The following CCDC171 variants were observed in gnomAD, a reference collection of about 807,000 sequenced individuals.
The protein encoded by CCDC171 is coiled-coil domain containing 171.
In CCDC171, 177 loss-of-function variants were observed where a neutral mutation model predicts 168.2. The observed-to-expected ratio is 1.05, with a 90% CI of 0.93 to 1.19. CCDC171 has a LOEUF of 1.19. CCDC171 is among the 50% of genes most tolerant of loss of function. The probability of loss-of-function intolerance (pLI) is 0.00; values close to 1 mark genes in which losing one functional copy is unlikely to be tolerated. For synonymous variants in CCDC171, 687 were observed against 540.8 expected (o/e 1.27, Z -3.75); for missense variants, 1,991 against 1,539.0 (o/e 1.29, Z -4.91).
chr9:16,064,717 G>T (rs1469472663), downstream of CCDC171, among the ~76,000 whole-genome samples: 1 of 152,188 alleles, frequency 6.6e-6, no homozygotes, highest in African/African-American at 2.4e-5. Context: ...TCTTAGCAGA[G>T]TAGTTACGCC....
At chr9:15,618,154 C>T (rs957591751) in intron 6 of CCDC171, among the ~76,000 whole-genome samples, 12 of 152,188 alleles carry the variant, frequency 7.9e-5, no homozygotes, top group Admixed American at 6.5e-5. Flanking sequence ...CTCTGTCCTA[C>T]CAGGATGAGA....
At chr9:15,791,395 G>T (rs1226842799) in intron 21 of CCDC171, among the ~76,000 whole-genome samples, 1 of 151,904 alleles carries the variant, frequency 6.6e-6, no homozygotes, top group African/African-American at 2.4e-5. Flanking sequence ...TTGGCTCTGT[G>T]TTTTTCTTAT....
chr9:15,561,071 C>A (rs574037325), intron 1 of CCDC171, among the ~76,000 whole-genome samples: 1 of 152,282 alleles, frequency 6.6e-6, no homozygotes, highest in Admixed American at 6.5e-5. Flanking sequence ...GTGTCGCTCA[C>A]GCTGGGAGCT....
chr9:15,767,363 C>A (rs1338737763), intron 18 of CCDC171, among the ~76,000 whole-genome samples: 1 of 152,200 alleles, frequency 6.6e-6, no homozygotes, highest in Non-Finnish European at 1.5e-5. Context: ...CCAGCAGCAT[C>A]ACATCTGCAA....
intron 25 of CCDC171, among the ~76,000 whole-genome samples, chr9:15,923,003 T>C (rs973854838): frequency 2.6e-5 from 4 of 151,684 alleles, no homozygotes; most frequent in African/African-American, 9.7e-5. Flanking sequence ...TCTCCCATCC[T>C]GTAGGTTGTC....
At chr9:15,941,870 T>C (rs1827776655) in intron 25 of CCDC171, among the ~76,000 whole-genome samples, 1 of 151,984 alleles carries the variant, frequency 6.6e-6, no homozygotes, top group Non-Finnish European at 1.5e-5. Context: ...TAAATTGGTT[T>C]GTTTTTACTT....
chr9:15,944,804 T>C (rs1459971692), intron 25 of CCDC171, among the ~76,000 whole-genome samples: 1 of 148,026 alleles, frequency 6.8e-6, no homozygotes, highest in Admixed American at 6.9e-5. Context: ...AGGCAGAGCA[T>C]GGTAGTTGGG....
chr9:15,696,038 T>C (rs879859610), intron 11 of CCDC171, among the ~76,000 whole-genome samples: 5 of 152,260 alleles, frequency 3.3e-5, no homozygotes, highest in Admixed American at 6.5e-5. Flanking sequence ...ATAAATACTT[T>C]TCTACCTCAG....
At chr9:16,019,614 A>G (rs915912543) in intron 3 of CCDC171, among the ~76,000 whole-genome samples, 3 of 152,126 alleles carry the variant, frequency 2.0e-5, no homozygotes, top group Non-Finnish European at 4.4e-5. Flanking sequence ...TGGTTAGAGA[A>G]ATCTCACCTT....
At chr9:15,749,664 A>G (rs1172873743) in intron 18 of CCDC171, among the ~76,000 whole-genome samples, 1 of 152,228 alleles carries the variant, frequency 6.6e-6, no homozygotes, top group African/African-American at 2.4e-5. Flanking sequence ...CAGGATTAAG[A>G]AACTCACTCT....
At chr9:15,888,048 A>G (rs1197363277) in intron 24 of CCDC171, 1 of 152,270 alleles carries the variant, frequency 6.6e-6, no homozygotes. Flanking sequence ...GAGACTGTGC[A>G]GCGTGACTGG....
intron 3 of CCDC171, among the ~76,000 whole-genome samples, chr9:16,011,743 T>C (rs3008719): frequency 0.56 from 85,864 of 152,112 alleles, 24,464 homozygotes; most frequent in East Asian, 0.66. Flanking sequence ...AAATAAGATA[T>C]AGACGTTGCT....
intron 1 of CCDC171, among the ~76,000 whole-genome samples, chr9:15,561,060 T>C (rs1316640601): frequency 6.6e-6 from 1 of 152,202 alleles, no homozygotes; most frequent in Non-Finnish European, 1.5e-5. Context: ...ATTCGTCTTT[T>C]GTGTCGCTCA....
At chr9:15,594,642 T>C (rs1243190324) in intron 6 of CCDC171, among the ~76,000 whole-genome samples, 1 of 152,162 alleles carries the variant, frequency 6.6e-6, no homozygotes, top group Admixed American at 6.5e-5. Context: ...ATTTGAAAAT[T>C]ACTGATTACA....
At chr9:15,583,521 T>C (rs1170340546) in intron 4 of CCDC171, among the ~76,000 whole-genome samples, 1 of 152,174 alleles carries the variant, frequency 6.6e-6, no homozygotes, top group Non-Finnish European at 1.5e-5. Flanking sequence ...TGGAGGCCAT[T>C]ATTCTAAGTG....
chr9:15,910,941 T>TA (rs1823538440), intron 24 of CCDC171, among the ~76,000 whole-genome samples: 1 of 152,000 alleles, frequency 6.6e-6, no homozygotes, highest in Non-Finnish European at 1.5e-5. Flanking sequence ...TTATCCAGTC[T>TA]TCATTGATGG....
At chr9:15,598,571 A>G (rs910972985) in intron 6 of CCDC171, among the ~76,000 whole-genome samples, 2 of 152,086 alleles carry the variant, frequency 1.3e-5, no homozygotes, top group Non-Finnish European at 2.9e-5. Context: ...ACTTCCAACT[A>G]TGTGGTCAAT....
At chr9:15,641,324 C>G (rs1412250577) in intron 7 of CCDC171, among the ~76,000 whole-genome samples, 2 of 152,120 alleles carry the variant, frequency 1.3e-5, no homozygotes, top group African/African-American at 4.8e-5. Flanking sequence ...TTTTGGTGGA[C>G]TAAATTTCAT....
At chr9:15,792,227 T>A (rs1042577734) in intron 21 of CCDC171, among the ~76,000 whole-genome samples, 7 of 151,778 alleles carry the variant, frequency 4.6e-5, no homozygotes, top group African/African-American at 1.5e-4. Context: ...GTATCAGTGA[T>A]TGAAGATCAA....
Sources: gnomAD v4.1 joint callset for allele counts (sites outside exome capture counted in the v4.1 genomes callset) on GRCh38, gnomAD v4.1.1 for gene constraint, MANE v1.5 for transcripts, NCBI Gene and HGNC (gene_info 2026-07-23, HGNC 2026-07-21) for gene names.